Variants in PTPRT observed in about 807,000 individuals in gnomAD.
PTPRT encodes protein tyrosine phosphatase receptor type T.
A neutral mutation model predicts 176.8 loss-of-function variants in PTPRT; 56 were observed. That is an observed-to-expected ratio of 0.32 (90% CI 0.26 to 0.40). The LOEUF is 0.40. Among genes scored for constraint, PTPRT ranks in the 10% least tolerant of loss-of-function variants. The pLI, the probability that PTPRT is intolerant of heterozygous loss-of-function variation, is 1.00. For missense variants in PTPRT, 1,540 were observed against 1,908.2 expected (o/e 0.81, Z 3.60); for synonymous variants, 783 against 739.0 (o/e 1.06, Z -0.96).
At chr20:42,188,517 A>G (rs561109879) in intron 16 of PTPRT, among the ~76,000 whole-genome samples, 10 of 152,288 alleles carry the variant, frequency 6.6e-5, no homozygotes, top group East Asian at 3.9e-4. Flanking sequence ...ATATTAAATG[A>G]AATGAGGCAT....
chr20:43,186,189 T>C (rs893253629), intron 1 of PTPRT, among the ~76,000 whole-genome samples: 1 of 152,098 alleles, frequency 6.6e-6, no homozygotes, highest in African/African-American at 2.4e-5. Context: ...ACTTTACAAA[T>C]GAGAAGCTGG....
chr20:42,127,384 G>T (rs150740669), intron 19 of PTPRT, among the ~76,000 whole-genome samples: 1,978 of 152,132 alleles, frequency 0.013, 55 homozygotes, highest in African/African-American at 0.044. Flanking sequence ...CTGTCTGTCT[G>T]TCTGTCTGTC....
At chr20:42,388,622 A>C (rs1297188136) in intron 9 of PTPRT, among the ~76,000 whole-genome samples, 1 of 152,222 alleles carries the variant, frequency 6.6e-6, no homozygotes, top group Non-Finnish European at 1.5e-5. Context: ...AAAGTCAGGC[A>C]ACAACAGGTG....
chr20:43,141,413 C>T (rs1358264489), intron 1 of PTPRT, among the ~76,000 whole-genome samples: 1 of 152,136 alleles, frequency 6.6e-6, no homozygotes, highest in African/African-American at 2.4e-5. Context: ...CTGGGGCAAC[C>T]GGGCCATGTA....
intron 2 of PTPRT, among the ~76,000 whole-genome samples, chr20:42,802,761 C>A: frequency 6.6e-6 from 1 of 152,150 alleles, no homozygotes; most frequent in East Asian, 1.9e-4. Context: ...ATCAGTGGAA[C>A]AATGAAAGAT....
intron 12 of PTPRT, among the ~76,000 whole-genome samples, chr20:42,303,800 G>A (rs1401534961): frequency 6.6e-6 from 1 of 152,158 alleles, no homozygotes; most frequent in African/African-American, 2.4e-5. Context: ...GCATGGATTA[G>A]AGAGAGCTTC....
At chr20:42,305,368 TA>T (rs1008863689) in intron 12 of PTPRT, among the ~76,000 whole-genome samples, 99 of 144,528 alleles carry the variant, frequency 6.8e-4, no homozygotes, top group South Asian at 1.5e-3. Context: ...AAAATAAAAG[TA>T]AAAAAAAAAA....
intron 1 of PTPRT, among the ~76,000 whole-genome samples, chr20:43,003,124 C>G (rs1001071338): frequency 5.5e-4 from 84 of 152,182 alleles, no homozygotes; most frequent in African/African-American, 1.9e-3. Context: ...ATATATATAT[C>G]TTTCAAAAGA....
chr20:42,225,770 G>A (rs1453746655), intron 15 of PTPRT, among the ~76,000 whole-genome samples: 3 of 152,112 alleles, frequency 2.0e-5, no homozygotes, highest in African/African-American at 7.2e-5. Context: ...CCTCTGCCTC[G>A]GCCTCCTGAG....
intron 16 of PTPRT, among the ~76,000 whole-genome samples, chr20:42,166,241 T>C (rs1405453044): frequency 1.3e-5 from 2 of 152,044 alleles, no homozygotes; most frequent in African/African-American, 4.8e-5. Context: ...AAGACACTGA[T>C]CCAGTGTAAA....
chr20:42,642,308 A>G (rs931979104), intron 7 of PTPRT, among the ~76,000 whole-genome samples: 1 of 152,140 alleles, frequency 6.6e-6, no homozygotes, highest in Non-Finnish European at 1.5e-5. Context: ...ATGACTTCCA[A>G]CTATTTCCAA....
At chr20:42,522,362 T>C (rs1212087081) in intron 7 of PTPRT, among the ~76,000 whole-genome samples, 2 of 151,976 alleles carry the variant, frequency 1.3e-5, no homozygotes, top group Non-Finnish European at 2.9e-5. Flanking sequence ...TTGTGTCTCA[T>C]ATCATTTTCT....
intron 6 of PTPRT, among the ~76,000 whole-genome samples, chr20:42,714,049 G>A (rs1479669617): frequency 6.6e-6 from 1 of 152,160 alleles, no homozygotes; most frequent in African/African-American, 2.4e-5. Flanking sequence ...AAGACAACAC[G>A]GAAAGAAGTA....
At chr20:42,790,198 T>C (rs2077351750) in intron 3 of PTPRT, among the ~76,000 whole-genome samples, 1 of 151,116 alleles carries the variant, frequency 6.6e-6, no homozygotes, top group South Asian at 2.1e-4. Context: ...TTCTGTGATA[T>C]GTACATTTTA....
intron 11 of PTPRT, among the ~76,000 whole-genome samples, chr20:42,326,526 T>C (rs1181888944): frequency 1.3e-5 from 2 of 152,110 alleles, no homozygotes; most frequent in Non-Finnish European, 2.9e-5. Context: ...CTGTACACCA[T>C]GGAAAACAAG....
At chr20:42,485,498 A>C (rs1475373773) in intron 7 of PTPRT, among the ~76,000 whole-genome samples, 1 of 152,250 alleles carries the variant, frequency 6.6e-6, no homozygotes, top group East Asian at 1.9e-4. Flanking sequence ...CTGCCTAAGA[A>C]GCCATGTGTA....
At chr20:43,012,960 C>T (rs1445586273) in intron 1 of PTPRT, among the ~76,000 whole-genome samples, 2 of 151,934 alleles carry the variant, frequency 1.3e-5, no homozygotes, top group African/African-American at 4.8e-5. Context: ...CTTCTGAGAG[C>T]AAGCCCTCCA....
chr20:42,762,885 A>G (rs905446643), intron 5 of PTPRT, among the ~76,000 whole-genome samples: 1 of 152,066 alleles, frequency 6.6e-6, no homozygotes, highest in African/African-American at 2.4e-5. Flanking sequence ...CCCTTTTTCA[A>G]CTGCTTGCCT....
chr20:42,476,889 T>C (rs891711157), intron 7 of PTPRT, among the ~76,000 whole-genome samples: 2 of 152,190 alleles, frequency 1.3e-5, no homozygotes, highest in African/African-American at 4.8e-5. Context: ...CTCCCATGAA[T>C]GGGTCAGTTA....
Sources: allele counts gnomAD v4.1 joint callset (sites outside exome capture counted in the v4.1 genomes callset), GRCh38; gene constraint gnomAD v4.1.1; transcripts MANE v1.5; gene names NCBI Gene and HGNC (gene_info 2026-07-23, HGNC 2026-07-21).